Variants in RBFOX1 observed in about 807,000 individuals in gnomAD.
RBFOX1 encodes the protein RNA binding protein fox-1 homolog 1.
RBFOX1 carries 8 observed loss-of-function variants against 57.7 expected under a neutral mutation model. The observed-to-expected ratio is 0.14, with a 90% CI of 0.08 to 0.25. RBFOX1 has a LOEUF of 0.25. RBFOX1 is among the 10% of genes least tolerant of loss of function. RBFOX1 has a pLI of 1.00. For missense variants in RBFOX1, 611 were observed against 548.5 expected, an observed-to-expected ratio of 1.11 and a Z score of -1.14; for synonymous variants, 326 against 222.4, an observed-to-expected ratio of 1.47 and a Z score of -4.15.
chr16:5,368,229 C>T (rs34248849), intron 1 of RBFOX1, among the ~76,000 whole-genome samples: 26,122 of 152,194 alleles, frequency 0.17, 2,652 homozygotes, highest in Non-Finnish European at 0.22. Flanking sequence ...ATTGGAGAAG[C>T]GTGAGGCTTG....
chr16:5,551,852 C>T (rs1032028636), intron 2 of RBFOX1, among the ~76,000 whole-genome samples: 5 of 150,324 alleles, frequency 3.3e-5, no homozygotes, highest in Non-Finnish European at 7.4e-5. Context: ...CATGTGTTCT[C>T]GTTGTTCAAC....
At chr16:5,991,741 AC>A (rs1233059095) in intron 4 of RBFOX1, among the ~76,000 whole-genome samples, 2 of 150,118 alleles carry the variant, frequency 1.3e-5, no homozygotes, top group Admixed American at 1.3e-4. Flanking sequence ...AGCTAAACAG[AC>A]CCGGGAAAAT....
At chr16:7,085,872 G>A (rs984982768) in intron 4 of RBFOX1, among the ~76,000 whole-genome samples, 5 of 152,306 alleles carry the variant, frequency 3.3e-5, no homozygotes, top group Middle Eastern at 3.4e-3. Context: ...CCAGGAAACC[G>A]TTCTGCCCCA....
chr16:5,260,436 C>A (rs1567247326), intron 1 of RBFOX1, among the ~76,000 whole-genome samples: 1 of 151,988 alleles, frequency 6.6e-6, no homozygotes, highest in Non-Finnish European at 1.5e-5. Flanking sequence ...CAAGAAGTAG[C>A]AAATTGAATG....
intron 1 of RBFOX1, among the ~76,000 whole-genome samples, chr16:5,379,308 C>G (rs2066071387): frequency 6.6e-6 from 1 of 150,978 alleles, no homozygotes; most frequent in Non-Finnish European, 1.5e-5. Context: ...CGTTTTTTTT[C>G]TCAGTTATTT....
chr16:7,455,732 A>G (rs1453394631), intron 4 of RBFOX1, among the ~76,000 whole-genome samples: 1 of 146,508 alleles, frequency 6.8e-6, no homozygotes, highest in East Asian at 2.0e-4. Flanking sequence ...GGTTGCAATG[A>G]GCCGAGATTG....
chr16:5,273,912 A>T (rs2063078409), intron 1 of RBFOX1, among the ~76,000 whole-genome samples: 1 of 152,144 alleles, frequency 6.6e-6, no homozygotes, highest in Non-Finnish European at 1.5e-5. Flanking sequence ...ACAAGATTGA[A>T]TTCCCCACCT....
At chr16:7,647,582 T>C (rs2064006332) in intron 11 of RBFOX1, among the ~76,000 whole-genome samples, 1 of 151,762 alleles carries the variant, frequency 6.6e-6, no homozygotes, top group Admixed American at 6.6e-5. Flanking sequence ...AGTGCTGGGG[T>C]TTAGAAATGA....
At chr16:5,494,443 C>T (rs1352150) in intron 2 of RBFOX1, among the ~76,000 whole-genome samples, 103,833 of 152,068 alleles carry the variant, frequency 0.68, 38,533 homozygotes, top group South Asian at 0.88. Context: ...TGGAATTTGG[C>T]AATGATGAAT....
At chr16:7,495,944 T>G (rs531861441) in intron 4 of RBFOX1, among the ~76,000 whole-genome samples, 4 of 152,204 alleles carry the variant, frequency 2.6e-5, no homozygotes, top group Non-Finnish European at 5.9e-5. Context: ...AAGTTCCTCA[T>G]TTAAATTTAT....
chr16:5,820,250 C>T (rs899583577), intron 3 of RBFOX1, among the ~76,000 whole-genome samples: 14 of 152,192 alleles, frequency 9.2e-5, no homozygotes, highest in Admixed American at 2.0e-4. Context: ...TTCTCTTAAC[C>T]GCCATGCTAC....
chr16:5,918,032 C>G (rs940361754), intron 4 of RBFOX1, among the ~76,000 whole-genome samples: 32 of 152,152 alleles, frequency 2.1e-4, no homozygotes, highest in African/African-American at 7.0e-4. Flanking sequence ...TAAGAAAGCC[C>G]TCCTTTCACA....
intron 3 of RBFOX1, among the ~76,000 whole-genome samples, chr16:5,831,843 A>G (rs902732858): frequency 6.6e-5 from 10 of 152,214 alleles, no homozygotes; most frequent in African/African-American, 2.4e-4. Flanking sequence ...CAAATTATTT[A>G]TAAATGAATG....
At chr16:6,182,820 ATTC>A (rs1348579569) in intron 1 of RBFOX1, among the ~76,000 whole-genome samples, 8 of 152,200 alleles carry the variant, frequency 5.3e-5, no homozygotes, top group African/African-American at 1.2e-4. Flanking sequence ...TTTTTACATA[ATTC>A]TTTTTTAATG....
intron 3 of RBFOX1, among the ~76,000 whole-genome samples, chr16:7,002,385 G>T (rs1410180304): frequency 6.6e-6 from 1 of 152,154 alleles, no homozygotes; most frequent in Non-Finnish European, 1.5e-5. Context: ...AAGGTTTTCT[G>T]TTTATCCAGC....
At chr16:7,696,167 A>G (rs959532744) in intron 14 of RBFOX1, among the ~76,000 whole-genome samples, 3 of 152,192 alleles carry the variant, frequency 2.0e-5, no homozygotes, top group African/African-American at 7.2e-5. Flanking sequence ...TTACAAGGAT[A>G]TCTATTTTCT....
At chr16:5,375,521 G>A (rs1463810796) in intron 1 of RBFOX1, among the ~76,000 whole-genome samples, 3 of 152,144 alleles carry the variant, frequency 2.0e-5, no homozygotes, top group African/African-American at 7.2e-5. Context: ...GGGAGGGAGA[G>A]GACTGCGAGG....
At chr16:5,363,031 C>CTTTTT (rs35426149) in intron 1 of RBFOX1, among the ~76,000 whole-genome samples, 5 of 95,418 alleles carry the variant, frequency 5.2e-5, no homozygotes, top group African/African-American at 1.2e-4. Context: ...GATTTTAATT[C>CTTTTT]TTTTTTTTTT....
intron 4 of RBFOX1, among the ~76,000 whole-genome samples, chr16:7,084,881 A>G (rs1567199587): frequency 6.6e-6 from 1 of 151,748 alleles, no homozygotes; most frequent in South Asian, 2.1e-4. Flanking sequence ...CCATCTATCT[A>G]TCTTCTATCC....
Sources: gnomAD v4.1 joint callset for allele counts (sites outside exome capture counted in the v4.1 genomes callset) on GRCh38, gnomAD v4.1.1 for gene constraint, MANE v1.5 for transcripts, NCBI Gene and HGNC (gene_info 2026-07-23, HGNC 2026-07-21) for gene names.